SPOCK3: variants seen among roughly 807,000 people sequenced by gnomAD.
The protein encoded by SPOCK3 is SPARC (osteonectin), cwcv and kazal like domains proteoglycan 3, also known as testican-3.
Under a neutral mutation model 56.6 loss-of-function variants are expected in SPOCK3, and 30 were observed. That is an observed-to-expected ratio of 0.53 (90% CI 0.40 to 0.72). SPOCK3 has a LOEUF of 0.72. Among genes scored for constraint, SPOCK3 ranks in the 30% least tolerant of loss-of-function variants. The pLI, the probability that SPOCK3 is intolerant of heterozygous loss-of-function variation, is 0.00. For synonymous variants in SPOCK3, 196 were observed against 183.3 expected (o/e 1.07, Z -0.56); for missense variants, 527 against 530.0 (o/e 0.99, Z 0.06).
chr4:166,826,148 A>G (rs1030759942), intron 6 of SPOCK3, among the ~76,000 whole-genome samples: 3 of 152,154 alleles, frequency 2.0e-5, no homozygotes, highest in Admixed American at 2.0e-4. Context: ...AAACAAAAGC[A>G]GAACAGAGAT....
intron 5 of SPOCK3, among the ~76,000 whole-genome samples, chr4:166,895,359 G>C (rs1326130408): frequency 6.6e-6 from 1 of 151,926 alleles, no homozygotes; most frequent in Non-Finnish European, 1.5e-5. Context: ...CATGAGTATA[G>C]CATTTCAGAA....
rs1746011052 is a variant in SPOCK3, at chr4:166,831,202, G to A, written c.590-38913C>T. Among the ~76,000 whole-genome samples the A allele has an allele frequency of 2.0e-5, 3 of 152,232 alleles. No homozygotes were observed. In the South Asian group the frequency reaches 6.2e-4, roughly 31 times the overall value. On this transcript the variant is annotated intron_variant, in intron 6 of 10. Coordinates refer to ENST00000357545, the MANE Select transcript of SPOCK3 (RefSeq NM_001040159.2). ...TAACATGGTATATATATCTGAATTT[G>A]TTAAGTCATTTTTGATTTTGCTTAT...
intron 2 of SPOCK3, among the ~76,000 whole-genome samples, chr4:167,122,250 G>A (rs1442348370): frequency 6.6e-6 from 1 of 151,876 alleles, no homozygotes; most frequent in Non-Finnish European, 1.5e-5. Context: ...TGGCTTCCCT[G>A]GGCTCAAGTA....
intron 4 of SPOCK3, among the ~76,000 whole-genome samples, chr4:166,947,125 T>C (rs1446209196): frequency 6.6e-6 from 1 of 152,132 alleles, no homozygotes; most frequent in Non-Finnish European, 1.5e-5. Flanking sequence ...CCATATAAAA[T>C]TAACTTATTT....
intron 4 of SPOCK3, among the ~76,000 whole-genome samples, chr4:166,999,523 G>C (rs949005443): frequency 6.6e-6 from 1 of 152,030 alleles, no homozygotes; most frequent in Non-Finnish European, 1.5e-5. Context: ...TTTTCTCTGA[G>C]CACACACAAA....
intron 7 of SPOCK3, among the ~76,000 whole-genome samples, chr4:166,785,795 G>A (rs1740667541): frequency 6.6e-6 from 1 of 152,080 alleles, no homozygotes; most frequent in African/African-American, 2.4e-5. Flanking sequence ...ACTATGTTAT[G>A]TAGCAAATAT....
intron 6 of SPOCK3, among the ~76,000 whole-genome samples, chr4:166,829,602 T>A (rs1281053944): frequency 6.6e-6 from 1 of 152,094 alleles, no homozygotes; most frequent in East Asian, 1.9e-4. Flanking sequence ...AATACAGAAA[T>A]ACTTTCTATG....
At chr4:167,154,594 T>C (rs959336417) in intron 2 of SPOCK3, among the ~76,000 whole-genome samples, 3 of 152,054 alleles carry the variant, frequency 2.0e-5, no homozygotes, top group Non-Finnish European at 4.4e-5. Context: ...AGGAAAGAAG[T>C]TTCTTCAACA....
intron 4 of SPOCK3, among the ~76,000 whole-genome samples, chr4:166,938,162 G>A (rs956100123): frequency 6.6e-6 from 1 of 151,994 alleles, no homozygotes; most frequent in African/African-American, 2.4e-5. Flanking sequence ...TTAATGCAGT[G>A]TCATCTGAAG....
intron 3 of SPOCK3, chr4:167,011,105 A>G (rs561867107): frequency 4.0e-6 from 1 of 249,886 alleles, no homozygotes; most frequent in African/African-American, 2.2e-5. Context: ...AACAGAAAAA[A>G]AAAGAGATAA....
intron 3 of SPOCK3, among the ~76,000 whole-genome samples, chr4:167,055,606 G>A (rs1054032108): frequency 2.0e-5 from 3 of 152,184 alleles, no homozygotes; most frequent in African/African-American, 7.2e-5. Context: ...CCTGAATACT[G>A]CGCTTTTCCA....
intron 6 of SPOCK3, among the ~76,000 whole-genome samples, chr4:166,842,687 CAG>C (rs1560920242): frequency 1.3e-5 from 2 of 152,220 alleles, no homozygotes; most frequent in Non-Finnish European, 2.9e-5. Context: ...GAGCTAAACA[CAG>C]AGTGCTGATT....
intron 3 of SPOCK3, among the ~76,000 whole-genome samples, chr4:167,024,728 GAC>G: frequency 6.6e-6 from 1 of 152,098 alleles, no homozygotes; most frequent in East Asian, 1.9e-4. Context: ...AGGGATAAAA[GAC>G]TACACATTGC....
In SPOCK3 at chr4:167,062,538, C is replaced by T. The variant is rs765712213; in HGVS notation, c.190-1G>A. ...GACTCCAAGTGCGGAAATAATCATCCTAAGGGGGAAAATAATGTGAATTGA... is the reference window on the plus strand; with the variant it reads ...GACTCCAAGTGCGGAAATAATCATCTTAAGGGGGAAAATAATGTGAATTGA... On this transcript the variant is annotated splice_acceptor_variant, in intron 2 of 10. Transcript: ENST00000357545. LOFTEE classifies it high-confidence loss of function. 3 of 1,602,692 alleles carry T rather than the reference C, an allele frequency of 1.9e-6. No homozygotes were observed. Among genetic ancestry groups the T allele is most frequent in the Non-Finnish European group, 2.6e-6 (3 of 1,171,694 alleles).
chr4:166,965,392 G>GTT (rs143710160), intron 4 of SPOCK3, among the ~76,000 whole-genome samples: 27 of 139,062 alleles, frequency 1.9e-4, no homozygotes, highest in African/African-American at 2.8e-4. Flanking sequence ...TTCTATTATT[G>GTT]TTTTTTTTTT....
At chr4:166,944,262 G>C (rs188718329) in intron 4 of SPOCK3, among the ~76,000 whole-genome samples, 1 of 151,872 alleles carries the variant, frequency 6.6e-6, no homozygotes, top group African/African-American at 2.4e-5. Context: ...ATAGATATAT[G>C]AGTATCCGTT....
intron 2 of SPOCK3, among the ~76,000 whole-genome samples, chr4:167,141,707 A>C (rs1763543979): frequency 6.6e-6 from 1 of 152,024 alleles, no homozygotes; most frequent in African/African-American, 2.4e-5. Flanking sequence ...AAGATCAGTA[A>C]ATTAGAGGGC....
At chr4:166,820,263 T>C (rs28494108) in intron 6 of SPOCK3, among the ~76,000 whole-genome samples, 40,420 of 151,906 alleles carry the variant, frequency 0.27, 7,279 homozygotes, top group East Asian at 0.67. Context: ...TATGTTTGAT[T>C]TAGTCATTCC....
chr4:167,125,233 A>ATT (rs1351049849), intron 2 of SPOCK3, among the ~76,000 whole-genome samples: 10 of 127,176 alleles, frequency 7.9e-5, no homozygotes, highest in Admixed American at 4.1e-4. Flanking sequence ...ATTTATTTTT[A>ATT]TTTATTTTTA....
Sources: allele counts gnomAD v4.1 joint callset (sites outside exome capture counted in the v4.1 genomes callset), GRCh38; gene constraint gnomAD v4.1.1; transcripts MANE v1.5; gene names NCBI Gene and HGNC (gene_info 2026-07-23, HGNC 2026-07-21).